Variants in ZNF804B observed in about 807,000 individuals in gnomAD.
ZNF804B encodes zinc finger 804B.
ZNF804B carries 80 observed loss-of-function variants against 101.4 expected under a neutral mutation model. The observed-to-expected ratio is 0.79, with a 90% CI of 0.66 to 0.95. ZNF804B has a LOEUF of 0.95. Ranked by LOEUF, ZNF804B falls within the 40% of genes least tolerant of loss-of-function variation. The pLI is 0.00. For synonymous variants in ZNF804B, 622 were observed against 558.8 expected (o/e 1.11, Z -1.59); for missense variants, 1,673 against 1,561.9 (o/e 1.07, Z -1.20).
intron 1 of ZNF804B, among the ~76,000 whole-genome samples, chr7:89,002,497 A>T (rs1788304726): frequency 6.6e-6 from 1 of 151,880 alleles, no homozygotes; most frequent in Non-Finnish European, 1.5e-5. Flanking sequence ...ATTTATCTAT[A>T]ACAAGCCAAT....
chr7:88,771,256 A>T (rs1790056888), intron 1 of ZNF804B, among the ~76,000 whole-genome samples: 1 of 152,154 alleles, frequency 6.6e-6, no homozygotes, highest in African/African-American at 2.4e-5. Flanking sequence ...ATAAAATGTG[A>T]TGTATGAATT....
At chr7:88,920,815 G>A (rs553577714) in intron 1 of ZNF804B, among the ~76,000 whole-genome samples, 11 of 152,106 alleles carry the variant, frequency 7.2e-5, no homozygotes, top group African/African-American at 2.4e-4. Context: ...ATGCAAATAT[G>A]TAATTAAAAA....
At chr7:88,760,342 C>G (rs1384328100) in intron 1 of ZNF804B, among the ~76,000 whole-genome samples, 1 of 152,166 alleles carries the variant, frequency 6.6e-6, no homozygotes, top group African/African-American at 2.4e-5. Flanking sequence ...TAAATACTTA[C>G]TGAATGCAGT....
At chr7:89,311,922 G>T (rs1042038496) in intron 2 of ZNF804B, among the ~76,000 whole-genome samples, 2 of 152,094 alleles carry the variant, frequency 1.3e-5, no homozygotes, top group African/African-American at 2.4e-5. Flanking sequence ...CCAGATAAAA[G>T]TTCATGCTTT....
chr7:88,848,711 TA>T (rs35598553), intron 1 of ZNF804B, among the ~76,000 whole-genome samples: 82,812 of 150,026 alleles, frequency 0.55, 26,424 homozygotes, highest in African/African-American at 0.87. Flanking sequence ...TATAGATTGG[TA>T]AAAAAATGGG....
At chr7:88,912,883 C>T (rs1332804459) in intron 1 of ZNF804B, among the ~76,000 whole-genome samples, 1 of 151,888 alleles carries the variant, frequency 6.6e-6, no homozygotes, top group Non-Finnish European at 1.5e-5. Flanking sequence ...TTAAATAAAT[C>T]AAAAATTCTA....
At chr7:88,801,303 G>GAA (rs924638257) in intron 1 of ZNF804B, among the ~76,000 whole-genome samples, 1 of 142,222 alleles carries the variant, frequency 7.0e-6, no homozygotes. Flanking sequence ...GAGGAGAGGG[G>GAA]AAAAAAAAAA....
At chr7:88,806,963 C>T (rs924345790) in intron 1 of ZNF804B, among the ~76,000 whole-genome samples, 20 of 152,140 alleles carry the variant, frequency 1.3e-4, no homozygotes, top group African/African-American at 4.6e-4. Flanking sequence ...AAATTCTTCA[C>T]GGTCATATTA....
chr7:89,164,015 A>AT (rs749397939), intron 1 of ZNF804B, among the ~76,000 whole-genome samples: 102 of 151,118 alleles, frequency 6.7e-4, no homozygotes, highest in African/African-American at 2.3e-3. Context: ...GTTTGAAAGG[A>AT]TTTTTTTTTC....
At chr7:88,967,949 T>C (rs1203434071) in intron 1 of ZNF804B, among the ~76,000 whole-genome samples, 2 of 151,520 alleles carry the variant, frequency 1.3e-5, no homozygotes, top group African/African-American at 2.4e-5. Flanking sequence ...TCTTGGAAGC[T>C]GAGCAGGGTC....
chr7:89,015,865 CT>C (rs1788546156), intron 1 of ZNF804B, among the ~76,000 whole-genome samples: 1 of 152,104 alleles, frequency 6.6e-6, no homozygotes. Flanking sequence ...AATGGGATGG[CT>C]GGGTCAAATG....
intron 1 of ZNF804B, among the ~76,000 whole-genome samples, chr7:88,761,904 T>C (rs1789903580): frequency 6.6e-6 from 1 of 152,152 alleles, no homozygotes; most frequent in African/African-American, 2.4e-5. Context: ...TGGTCAGTCA[T>C]CTCCCAAGAG....
At chr7:89,253,121 G>A (rs538147798) in intron 2 of ZNF804B, among the ~76,000 whole-genome samples, 9 of 152,190 alleles carry the variant, frequency 5.9e-5, no homozygotes, top group Middle Eastern at 3.4e-3. Context: ...AAACTTCTGG[G>A]ATATAGCTAA....
chr7:88,909,118 G>T (rs771530264), intron 1 of ZNF804B, among the ~76,000 whole-genome samples: 1 of 151,668 alleles, frequency 6.6e-6, no homozygotes, highest in Non-Finnish European at 1.5e-5. Context: ...AGATATTGGT[G>T]CATATTAAAT....
intron 1 of ZNF804B, among the ~76,000 whole-genome samples, chr7:88,887,581 T>C (rs767990266): frequency 1.8e-4 from 27 of 152,158 alleles, no homozygotes; most frequent in African/African-American, 4.8e-5. Flanking sequence ...CAGCTGGTCA[T>C]AGGTGTGCAG....
chr7:88,921,958 GT>G (rs1187581175), intron 1 of ZNF804B, among the ~76,000 whole-genome samples: 1 of 151,964 alleles, frequency 6.6e-6, no homozygotes, highest in African/African-American at 2.4e-5. Flanking sequence ...GTAAAATATT[GT>G]AAAAGAAAAG....
At chr7:88,996,418 G>C (rs1318172759) in intron 1 of ZNF804B, among the ~76,000 whole-genome samples, 1 of 151,994 alleles carries the variant, frequency 6.6e-6, no homozygotes, top group African/African-American at 2.4e-5. Context: ...ACCGGCTCTT[G>C]ATTGCAATTC....
intron 1 of ZNF804B, among the ~76,000 whole-genome samples, chr7:88,993,016 A>C (rs914081957): frequency 6.6e-6 from 1 of 151,996 alleles, no homozygotes; most frequent in East Asian, 1.9e-4. Flanking sequence ...CAAAGATCAC[A>C]TATTTTATTA....
chr7:89,226,649 A>G (rs372889739), intron 2 of ZNF804B, among the ~76,000 whole-genome samples: 74 of 152,220 alleles, frequency 4.9e-4, no homozygotes, highest in African/African-American at 1.7e-3. Flanking sequence ...TAGTCTTCAT[A>G]TATTTTCACT....
Sources: allele counts gnomAD v4.1 joint callset (sites outside exome capture counted in the v4.1 genomes callset), GRCh38; gene constraint gnomAD v4.1.1; transcripts MANE v1.5; gene names NCBI Gene and HGNC (gene_info 2026-07-23, HGNC 2026-07-21).